The following SEC13 variants were observed in gnomAD, a reference collection of about 807,000 sequenced individuals.
The protein encoded by SEC13 is SEC13 homolog, nuclear pore and COPII component.
A neutral mutation model predicts 49.2 loss-of-function variants in SEC13; 25 were observed. The observed-to-expected ratio is 0.51, with a 90% CI of 0.37 to 0.71. SEC13 has a LOEUF of 0.71. SEC13 is among the 30% of genes least tolerant of loss of function. The pLI, the probability that SEC13 is intolerant of heterozygous loss-of-function variation, is 0.00. For missense variants in SEC13, 383 were observed against 417.6 expected (o/e 0.92, Z 0.72); for synonymous variants, 148 against 163.9 (o/e 0.90, Z 0.74).
chr3:10,304,147 CAG>C lies in SEC13; in HGVS notation c.732_733del (p.Cys245Ter). 1 of 1,614,178 alleles carries C rather than the reference CAG, an allele frequency of 6.2e-7. No homozygotes were observed. The highest frequency in any genetic ancestry group is 8.5e-7 in the Non-Finnish European group (1 of 1,180,022). Reference sequence around the variant, plus strand: ...CCACGTATTGCTTGAGGCATCATCACAGGTCCAAATGAACACACGACCATCCT... The same window carrying C: ...CCACGTATTGCTTGAGGCATCATCACGTCCAAATGAACACACGACCATCCT... On this transcript the variant is annotated frameshift_variant, in exon 8 of 9. Coordinates refer to ENST00000350697, the MANE Select transcript of SEC13 (RefSeq NM_183352.3). LOFTEE classifies it high-confidence loss of function.
At position 10,305,624 on chromosome 3, in the gene SEC13, C is replaced by T. The variant is rs1700824157; in HGVS notation, c.519G>A (p.Gly173=). 4 of 1,614,178 alleles carry T rather than the reference C, an allele frequency of 2.5e-6. No homozygotes were observed. The East Asian group carries it at 6.7e-5, about 27-fold the overall frequency. ...VPGSLIDHPS[G]QKPNYIKRFA... is the part of the protein sequence containing the mutation. Reference sequence around the variant, plus strand: ...ACCTCTTGATGTAATTGGGTTTCTGCCCCGATGGGTGGTCTATGAGGCTTC... The same window carrying T: ...ACCTCTTGATGTAATTGGGTTTCTGTCCCGATGGGTGGTCTATGAGGCTTC... The change falls in exon 6 of 9, where the codon GGG becomes GGA. Residue 173 remains glycine, a synonymous_variant. Coordinates refer to ENST00000350697, the MANE Select transcript of SEC13 (RefSeq NM_183352.3).
At chr3:10,308,722 C>T (rs946221625) in intron 5 of SEC13, among the ~76,000 whole-genome samples, 1 of 143,820 alleles carries the variant, frequency 7.0e-6, no homozygotes, top group Admixed American at 6.7e-5. Flanking sequence ...TCTAGAACCC[C>T]CCAAAATTTT....
At chr3:10,310,897 TACAC>T (rs1333214336) in intron 5 of SEC13, among the ~76,000 whole-genome samples, 2 of 152,330 alleles carry the variant, frequency 1.3e-5, no homozygotes, top group South Asian at 2.1e-4. Flanking sequence ...GGAGTGCTGA[TACAC>T]GCTATGATAT....
At chr3:10,311,872 G>A (rs775649880) in intron 5 of SEC13, 93 bp downstream of exon 5, 19 of 1,610,734 alleles carry the variant, frequency 1.2e-5, no homozygotes, top group Middle Eastern at 1.6e-4. Flanking sequence ...ACTGTCCAGC[G>A]GGGACCCTCC....
In SEC13 at chr3:10,305,601, C is replaced by G; in HGVS notation, c.542G>C (p.Arg181Thr). The change falls in exon 6 of 9, where the codon AGG (arginine) becomes ACG (threonine). Residue 181 changes from arginine to threonine, a missense_variant. Arg to Thr is a moderately conservative substitution (Grantham distance 71). Coordinates refer to ENST00000350697, the MANE Select transcript of SEC13 (RefSeq NM_183352.3). ...GTTGTCACAGCCACCTGATGCAAAC[C>G]TCTTGATGTAATTGGGTTTCTGCCC... Reference protein sequence around the residue: ...PSGQKPNYIKRFASGGCDNLI... With the variant: ...PSGQKPNYIKTFASGGCDNLI... 1 of 1,614,166 alleles carries G rather than the reference C, an allele frequency of 6.2e-7. No individual in the cohort carries two copies. The highest frequency in any genetic ancestry group is 8.5e-7 in the Non-Finnish European group (1 of 1,180,022).
rs765223178 is a variant in SEC13 at position 10,321,004 on chromosome 3, G to C, written c.3+46C>G. ...CGGCCGAGGAACCCGTGAAGGCCGCGACCGTGGCCTTCACCCTGCTAGGCC... is the reference window on the plus strand; with the variant it reads ...CGGCCGAGGAACCCGTGAAGGCCGCCACCGTGGCCTTCACCCTGCTAGGCC... On this transcript the variant is annotated intron_variant, in intron 1 of 8. Coordinates refer to ENST00000350697, the MANE Select transcript of SEC13 (RefSeq NM_183352.3). The surrounding 1 kb of genome is among the most constrained non-coding windows in gnomAD (Gnocchi z 4.1). The C allele has an allele frequency of 1.2e-5, 19 of 1,607,130 alleles. No individual in the cohort carries two copies. Among genetic ancestry groups the C allele is most frequent in the African/African-American group, 2.7e-5 (2 of 74,114 alleles).
At chr3:10,315,700 T>C (rs941437221) in intron 2 of SEC13, among the ~76,000 whole-genome samples, 3 of 152,184 alleles carry the variant, frequency 2.0e-5, no homozygotes, top group Admixed American at 6.5e-5. Context: ...GGCTCTTCCA[T>C]TCCTGTTCCG....
intron 4 of SEC13, 115 bp from the exon 5 acceptor site, chr3:10,312,213 C>A (rs1701316560): frequency 6.9e-7 from 1 of 1,442,822 alleles, no homozygotes; most frequent in African/African-American, 1.4e-5. Context: ...GTAGGAGTCA[C>A]CGGGGGAAGC....
intron 5 of SEC13, chr3:10,311,623 A>G (rs1574879995): frequency 4.5e-6 from 5 of 1,102,628 alleles, no homozygotes; most frequent in East Asian, 6.6e-5. Context: ...ATACTTTTTA[A>G]AAGTTTTAAT....
intron 5 of SEC13, among the ~76,000 whole-genome samples, chr3:10,309,219 G>A (rs1357555247): frequency 6.6e-6 from 1 of 152,098 alleles, no homozygotes; most frequent in Non-Finnish European, 1.5e-5. Flanking sequence ...ATTACAGGCT[G>A]AGCCACTGCG....
intron 6 of SEC13, 96 bp downstream of exon 6, chr3:10,305,463 G>A (rs1700812424): frequency 6.9e-7 from 1 of 1,457,592 alleles, no homozygotes; most frequent in East Asian, 2.3e-5. Context: ...GAGAAAGAAA[G>A]GTGACCTTGT....
intron 2 of SEC13, among the ~76,000 whole-genome samples, chr3:10,317,522 C>T (rs1474240008): frequency 1.3e-5 from 2 of 152,024 alleles, no homozygotes; most frequent in African/African-American, 4.8e-5. Flanking sequence ...GTTTACCTCT[C>T]AGGAAATGCC....
At chr3:10,303,411 T>C (rs1700667223) in intron 8 of SEC13, 1 of 153,960 alleles carries the variant, frequency 6.5e-6, no homozygotes, top group Non-Finnish European at 1.4e-5. Flanking sequence ...GGGTAGCTTT[T>C]TTCCTTCTAA....
intron 1 of SEC13, chr3:10,320,421 G>T: frequency 1.8e-6 from 1 of 569,150 alleles, no homozygotes; most frequent in Non-Finnish European, 2.2e-6. Context: ...GTACACTGCA[G>T]ATGCCACAGA....
chr3:10,314,027 C>G (rs1021268857), intron 3 of SEC13: 1 of 152,508 alleles, frequency 6.6e-6, no homozygotes, highest in African/African-American at 2.4e-5. Context: ...TCTGTGCATT[C>G]TGGGGAAGGT....
intron 5 of SEC13, among the ~76,000 whole-genome samples, chr3:10,310,010 G>A (rs73030488): frequency 0.017 from 2,551 of 152,138 alleles, 30 homozygotes; most frequent in Non-Finnish European, 0.026. Flanking sequence ...CCTCCTGAGG[G>A]GCCCTGTCCC....
intron 5 of SEC13, among the ~76,000 whole-genome samples, chr3:10,309,594 T>C (rs1701121416): frequency 6.6e-6 from 1 of 152,350 alleles, no homozygotes; most frequent in East Asian, 1.9e-4. Context: ...AAAAAGTTGA[T>C]TTACACTATT....
chr3:10,302,352 C>T (rs1700587670), intron 8 of SEC13, among the ~76,000 whole-genome samples: 1 of 152,238 alleles, frequency 6.6e-6, no homozygotes, highest in African/African-American at 2.4e-5. Context: ...ACAAACTATT[C>T]ACTCAACACA....
intron 5 of SEC13, among the ~76,000 whole-genome samples, chr3:10,308,785 A>C (rs1701049252): frequency 7.9e-6 from 1 of 126,930 alleles, no homozygotes; most frequent in Non-Finnish European, 1.6e-5. Flanking sequence ...GGTGATGCTG[A>C]GTTGAATTTT....
Sources: gnomAD v4.1 joint callset for allele counts (sites outside exome capture counted in the v4.1 genomes callset) on GRCh38, gnomAD v4.1.1 for gene constraint, Gnocchi (gnomAD v3.1) non-coding constraint, MANE v1.5 for transcripts, NCBI Gene and HGNC (gene_info 2026-07-23, HGNC 2026-07-21) for gene names.